Variants in PMPCB observed in about 807,000 individuals in gnomAD.
PMPCB encodes peptidase, mitochondrial processing subunit beta.
A neutral mutation model predicts 61.5 loss-of-function variants in PMPCB; 46 were observed. The ratio of observed to expected loss-of-function variants is 0.75; its 90% CI spans 0.59 to 0.96. The LOEUF is 0.96. Ranked by LOEUF, PMPCB falls within the 40% of genes least tolerant of loss-of-function variation. The pLI, the probability that PMPCB is intolerant of heterozygous loss-of-function variation, is 0.00. For missense variants in PMPCB, 590 were observed against 602.4 expected, an observed-to-expected ratio of 0.98 and a Z score of 0.22; for synonymous variants, 191 against 201.6, an observed-to-expected ratio of 0.95 and a Z score of 0.44.
rs750260585 is a variant in PMPCB at position 103,312,927 on chromosome 7, T to C, written c.*656T>C. On this transcript the variant is annotated 3_prime_UTR_variant, in exon 13 of 13. Transcript: ENST00000249269. ...CTACAATTTAAAATACAACAATCTA[T>C]AAACGCTTAAGTCTGCAACCTTGTA... is the stretch of plus-strand genomic sequence containing the variant. 1 of 1,597,924 alleles carries C rather than the reference T, an allele frequency of 6.3e-7. No individual in the cohort carries two copies. Among genetic ancestry groups the C allele is most frequent in the South Asian group, 1.1e-5 (1 of 87,842 alleles).
chr7:103,318,688 G>A (rs187379325), downstream of PMPCB, among the ~76,000 whole-genome samples: 5 of 152,200 alleles, frequency 3.3e-5, no homozygotes, highest in African/African-American at 1.2e-4. Context: ...GAATTTCTGG[G>A]CCTGTTTTCT....
intron 12 of PMPCB, chr7:103,320,880 AT>A (rs1199198974): frequency 1.4e-5 from 2 of 138,300 alleles, no homozygotes; most frequent in Non-Finnish European, 2.7e-5. Context: ...GTTTAGTTAC[AT>A]TTGCATAGTA....
intron 12 of PMPCB, chr7:103,319,888 A>G: frequency 1.3e-6 from 2 of 1,589,872 alleles, no homozygotes; most frequent in Non-Finnish European, 1.7e-6. Flanking sequence ...TCAAAAATAC[A>G]TCCATCAACA....
chr7:103,300,640 G>A (rs766893807), intron 4 of PMPCB, among the ~76,000 whole-genome samples: 4 of 152,126 alleles, frequency 2.6e-5, no homozygotes, highest in Non-Finnish European at 4.4e-5. Flanking sequence ...TTTCCCAGTG[G>A]AAGAATTAAC....
At chr7:103,324,542 A>G (rs1420856636) in intron 12 of PMPCB, 5 of 1,490,160 alleles carry the variant, frequency 3.4e-6, no homozygotes, top group Non-Finnish European at 2.7e-6. Context: ...AAGTTTAGGA[A>G]CATTTTTTTT....
At chr7:103,341,825 T>C in the PMPCB span, 2 of 1,611,084 alleles carry the variant, frequency 1.2e-6, no homozygotes, top group Non-Finnish European at 1.7e-6. Flanking sequence ...CAATTCTTCA[T>C]CTTCTGATTC....
At chr7:103,329,793 CTG>C (rs527506634), downstream of PMPCB, among the ~76,000 whole-genome samples, 3 of 152,332 alleles carry the variant, frequency 2.0e-5, no homozygotes, top group South Asian at 4.1e-4. Flanking sequence ...CTTCCAAAAA[CTG>C]TGTAATTTTT....
At chr7:103,338,823 T>C in the PMPCB span, among the ~76,000 whole-genome samples, 1 of 151,988 alleles carries the variant, frequency 6.6e-6, no homozygotes, top group African/African-American at 2.4e-5. Flanking sequence ...GGCAAGATAA[T>C]TGCTTGAACC....
chr7:103,305,234 G>C (rs1817546023), intron 6 of PMPCB, among the ~76,000 whole-genome samples: 1 of 152,070 alleles, frequency 6.6e-6, no homozygotes, highest in Non-Finnish European at 1.5e-5. Flanking sequence ...GAAGCACATA[G>C]GGAGCCATAA....
At chr7:103,319,708 T>G in intron 12 of PMPCB, 1 of 1,613,948 alleles carries the variant, frequency 6.2e-7, no homozygotes, top group Non-Finnish European at 8.5e-7. Flanking sequence ...AAATGAAACT[T>G]TATCCTAAGC....
intron 7 of PMPCB, among the ~76,000 whole-genome samples, chr7:103,308,222 T>G (rs1817639325): frequency 6.6e-6 from 1 of 152,186 alleles, no homozygotes; most frequent in Non-Finnish European, 1.5e-5. Context: ...AGGATGATGC[T>G]CAAAGTAGTA....
At position 103,297,518 on chromosome 7, in the gene PMPCB, G is replaced by T. The variant is rs1440806807; in HGVS notation, c.59G>T (p.Gly20Val). The change falls in exon 1 of 13, where the codon GGT becomes GTT. Residue 20 changes from glycine to valine, a missense_variant. Coordinates refer to ENST00000249269, the MANE Select transcript of PMPCB (RefSeq NM_004279.3). ...TCCGCGGCGCGGCGGCGGCTCTGGG[G>T]TTTCAGCGAGAGTCTTCTAATCCGA... Reference protein sequence around the residue: ...LSSAARRRLWGFSESLLIRGA... With the variant: ...LSSAARRRLWVFSESLLIRGA... 1.2e-6 allele frequency: 2 copies of T among 1,600,456 alleles called. No homozygotes were observed. The highest frequency in any genetic ancestry group is 1.7e-6 in the Non-Finnish European group (2 of 1,172,842).
chr7:103,332,037 C>T (rs1818995516), downstream of PMPCB, among the ~76,000 whole-genome samples: 1 of 147,314 alleles, frequency 6.8e-6, no homozygotes, highest in Admixed American at 6.9e-5. Context: ...CGGAGTCTTG[C>T]TCTGTCACCC....
At position 103,310,418 on chromosome 7, in the gene PMPCB, A is replaced by G; in HGVS notation, c.1097A>G (p.Tyr366Cys). The G allele has an allele frequency of 6.2e-7, 1 of 1,613,594 alleles. No individual in the cohort carries two copies. Among genetic ancestry groups the G allele is most frequent in the African/African-American group, 1.3e-5 (1 of 75,020 alleles). ...ACAGATACAGGATTATGGGGACTGT[A>G]TATGGTTTGTGAATCATCCACTGTT... ...SYTDTGLWGL[Y>C]MVCESSTVAD... The change falls in exon 9 of 13, where the codon TAT (tyrosine) becomes TGT (cysteine). Residue 366 changes from tyrosine to cysteine, a missense_variant. Transcript: ENST00000249269.
the PMPCB span, chr7:103,345,039 C>T: frequency 2.8e-6 from 1 of 356,008 alleles, no homozygotes; most frequent in Non-Finnish European, 5.0e-6. Context: ...TGAACCTAAT[C>T]AGTGATTTTC....
chr7:103,316,689 C>T, downstream of PMPCB: 1 of 687,976 alleles, frequency 1.5e-6, no homozygotes, highest in Non-Finnish European at 2.4e-6. Context: ...CAAAATGCAC[C>T]TCACTTTTCA....
At chr7:103,345,310 C>T in the PMPCB span, among the ~76,000 whole-genome samples, 1 of 152,122 alleles carries the variant, frequency 6.6e-6, no homozygotes, top group Non-Finnish European at 1.5e-5. Flanking sequence ...TTACCTTGTT[C>T]TAATGAAGTT....
Position 103,314,240 on chromosome 7 carries a change from A to C in PMPCB, c.*1969A>C. On this transcript the variant is annotated 3_prime_UTR_variant, in exon 13 of 13. Transcript: ENST00000249269. ...GGAAAAAAGATGGAAGTGACATGGCAGTATTTCCTGCTGTTCTCCAGTTAC... is the reference window on the plus strand; with the variant it reads ...GGAAAAAAGATGGAAGTGACATGGCCGTATTTCCTGCTGTTCTCCAGTTAC... 1 of 985,414 alleles carries C rather than the reference A, an allele frequency of 1.0e-6. No homozygotes were observed. The highest frequency in any genetic ancestry group is 1.2e-6 in the Non-Finnish European group (1 of 829,892). The allele number at this position is 985,414 out of a possible 1,614,324, so 61.0% of individuals were successfully genotyped here.
downstream of PMPCB, among the ~76,000 whole-genome samples, chr7:103,315,193 T>A (rs1271963571): frequency 1.3e-5 from 2 of 151,822 alleles, no homozygotes; most frequent in African/African-American, 2.4e-5. Context: ...TGAGTCTTAC[T>A]ATGTTTCCTG....
Sources: gnomAD v4.1 joint callset for allele counts (sites outside exome capture counted in the v4.1 genomes callset) on GRCh38, gnomAD v4.1.1 for gene constraint, MANE v1.5 for transcripts, NCBI Gene and HGNC (gene_info 2026-07-23, HGNC 2026-07-21) for gene names.